BANP: variants seen among roughly 807,000 people sequenced by gnomAD.
BANP encodes BTG3 associated nuclear protein, also known as protein BANP.
BANP carries 11 observed loss-of-function variants against 68.1 expected under a neutral mutation model. The ratio of observed to expected loss-of-function variants is 0.16; its 90% CI spans 0.10 to 0.27. The LOEUF (loss-of-function observed/expected upper bound fraction) is 0.27, where lower values mean the gene tolerates loss of function less well. Ranked by LOEUF, BANP falls within the 10% of genes least tolerant of loss-of-function variation. BANP has a pLI of 1.00. For missense variants in BANP, 504 were observed against 722.7 expected, an observed-to-expected ratio of 0.70 and a Z score of 3.47; for synonymous variants, 329 against 303.2, an observed-to-expected ratio of 1.09 and a Z score of -0.88.
intron 11 of BANP, among the ~76,000 whole-genome samples, chr16:88,059,833 C>A (rs2152866080): frequency 6.6e-6 from 1 of 152,332 alleles, no homozygotes; most frequent in Non-Finnish European, 1.5e-5. Flanking sequence ...TCATGGACAT[C>A]CCGCTGAGTG....
At chr16:88,049,854 G>T (rs1221174936) in intron 11 of BANP, among the ~76,000 whole-genome samples, 1 of 152,222 alleles carries the variant, frequency 6.6e-6, no homozygotes, top group Non-Finnish European at 1.5e-5. Flanking sequence ...ATGCGTTTCA[G>T]TGTGCCAGAA....
intron 4 of BANP, among the ~76,000 whole-genome samples, chr16:87,987,972 C>T (rs1178483055): frequency 2.0e-5 from 3 of 152,054 alleles, no homozygotes; most frequent in Middle Eastern, 3.4e-3. Context: ...CCATGTTGTA[C>T]AGGCTGGGCA....
intron 1 of BANP, among the ~76,000 whole-genome samples, chr16:87,973,133 G>T (rs2061416920): frequency 6.6e-6 from 1 of 152,056 alleles, no homozygotes; most frequent in South Asian, 2.1e-4. Flanking sequence ...CTGTGTGTCT[G>T]TATGGGAGGA....
intron 6 of BANP, among the ~76,000 whole-genome samples, chr16:88,009,679 C>G (rs1230997591): frequency 6.6e-6 from 1 of 152,054 alleles, no homozygotes; most frequent in Admixed American, 6.5e-5. Flanking sequence ...AAGCATGGAA[C>G]AGTAGACTGT....
At chr16:87,989,457 A>G (rs2065310890) in intron 4 of BANP, among the ~76,000 whole-genome samples, 1 of 152,264 alleles carries the variant, frequency 6.6e-6, no homozygotes, top group Admixed American at 6.5e-5. Flanking sequence ...GTAAATGTTA[A>G]CATCCTTTGT....
chr16:87,962,482 A>G (rs564739731), intron 1 of BANP, among the ~76,000 whole-genome samples: 13 of 152,298 alleles, frequency 8.5e-5, no homozygotes, highest in African/African-American at 3.1e-4. Flanking sequence ...CAGTAGCTTT[A>G]GAATGGTGAA....
chr16:88,003,853 G>A lies in BANP; in HGVS notation c.363-442G>A, dbSNP rs542072947. 1.7e-4 allele frequency: 49 copies of A among 295,044 alleles called. No individual in the cohort carries two copies. The highest frequency in any genetic ancestry group is 1.1e-3 in the African/African-American group (49 of 45,314). 18.3% of individuals were successfully genotyped at this position (295,044 alleles called of 1,614,324 possible). On this transcript the variant is annotated intron_variant, in intron 4 of 13. Coordinates refer to ENST00000682872, the MANE Select transcript of BANP (RefSeq NM_001386991.1). This position sits in a 1 kb window ranked among gnomAD's most constrained non-coding sequence, Gnocchi z 6.1. ...ATGATACCAACACTTACGTGGTTAC[G>A]AACGTTAGATCTGTCCCATAGGAAT...
intron 12 of BANP, among the ~76,000 whole-genome samples, chr16:88,067,717 G>A (rs1239614625): frequency 6.6e-6 from 1 of 152,012 alleles, no homozygotes; most frequent in Non-Finnish European, 1.5e-5. Context: ...CCCCTGCCCT[G>A]GACGGCCGGC....
At chr16:88,019,501 G>A (rs954740167) in intron 7 of BANP, among the ~76,000 whole-genome samples, 7 of 149,584 alleles carry the variant, frequency 4.7e-5, no homozygotes, top group Admixed American at 1.3e-4. Flanking sequence ...AACAGGGCGA[G>A]CGAGGCAGAG....
intron 3 of BANP, among the ~76,000 whole-genome samples, chr16:87,981,973 A>G (rs1446855801): frequency 6.6e-6 from 1 of 152,260 alleles, no homozygotes; most frequent in Non-Finnish European, 1.5e-5. Context: ...GTCACTTTTC[A>G]TATAATTCTT....
At chr16:87,961,458 C>T (rs1056269484) in intron 1 of BANP, among the ~76,000 whole-genome samples, 3 of 150,878 alleles carry the variant, frequency 2.0e-5, no homozygotes, top group African/African-American at 7.3e-5. Context: ...GAGCCACTTC[C>T]CCTGGTGAGG....
Position 88,072,156 on chromosome 16 carries a change from A to C in BANP, c.1465A>C (p.Ile489Leu). 6.2e-7 allele frequency: 1 copy of C among 1,611,612 alleles called. No individual in the cohort carries two copies. Among genetic ancestry groups the C allele is most frequent in the Non-Finnish European group, 8.5e-7 (1 of 1,179,708 alleles). The change falls in exon 13 of 14, where the codon ATC (isoleucine) becomes CTC (leucine). Residue 489 changes from isoleucine (I) to leucine (L), a missense_variant. This residue lies in a region of BANP where 223 missense variants were observed against 246.2 expected (regional missense o/e 0.91). Transcript: ENST00000682872. ...VDGSPLQGSDIQVQYVQLAPV... is the reference protein window; with the variant it reads ...VDGSPLQGSDLQVQYVQLAPV... ...TGGGTCGCCACTCCAGGGCAGCGAC[A>C]TCCAGGTTCAGTACGTGCAGCTGGC...
At position 88,064,016 on chromosome 16, in the gene BANP, G is replaced by A. The variant is rs1370701664; in HGVS notation, c.1312-1251G>A. Among the ~76,000 whole-genome samples, 1 of 152,124 alleles carries A rather than the reference G, an allele frequency of 6.6e-6. No individual in the cohort carries two copies. Among genetic ancestry groups the A allele is most frequent in the East Asian group, 1.9e-4 (1 of 5,196 alleles). ...AACACTTAATGTACACTTAAGATTC[G>A]AAGAAAGAGGTACCGGGGCTTTTGT... is the stretch of plus-strand genomic sequence containing the variant. On this transcript the variant is annotated intron_variant, in intron 11 of 13. Transcript: ENST00000682872. The surrounding 1 kb of genome is among the most constrained non-coding windows in gnomAD (Gnocchi z 4.5).
chr16:87,979,688 A>T (rs1351042622), intron 2 of BANP, among the ~76,000 whole-genome samples: 1 of 152,228 alleles, frequency 6.6e-6, no homozygotes, highest in Non-Finnish European at 1.5e-5. Context: ...AGCGGCCAGC[A>T]TTCAGATTTC....
intron 11 of BANP, among the ~76,000 whole-genome samples, chr16:88,040,705 C>A (rs536670326): frequency 3.2e-4 from 48 of 152,358 alleles, no homozygotes; most frequent in African/African-American, 1.1e-3. Flanking sequence ...TGGCTCAGCT[C>A]CCCGTACTGT....
chr16:88,076,891 C>G lies in BANP; in HGVS notation c.*230C>G, dbSNP rs1336064856. 9 of 534,274 alleles carry G rather than the reference C, an allele frequency of 1.7e-5. No individual in the cohort carries two copies. The highest frequency in any genetic ancestry group is 1.0e-4 in the South Asian group (4 of 39,308). The allele number at this position is 534,274 out of a possible 1,614,324, so 33.1% of individuals were successfully genotyped here. ...GAGTCCTGCTGTTGGTGTCGGAGCA[C>G]GAGGGGAGGCACGGTGCGGAGAGCG... On this transcript the variant is annotated 3_prime_UTR_variant, in exon 14 of 14. Coordinates refer to ENST00000682872, the MANE Select transcript of BANP (RefSeq NM_001386991.1).
intron 2 of BANP, among the ~76,000 whole-genome samples, chr16:87,979,845 G>C (rs2062920297): frequency 6.6e-6 from 1 of 152,164 alleles, no homozygotes; most frequent in Non-Finnish European, 1.5e-5. Context: ...AACCTGGATA[G>C]TCCCAGCTAC....
Position 88,036,650 on chromosome 16 carries a change from C to T in BANP, c.1272+1256C>T, listed in dbSNP as rs1353177645. ...TGAGGATGAGGTGAAAGGGGAGGAA[C>T]GAATTCATGTGGGGGCCGTGAGCGA... On this transcript the variant is annotated intron_variant, in intron 10 of 13. Coordinates refer to ENST00000682872, the MANE Select transcript of BANP (RefSeq NM_001386991.1). The surrounding 1 kb of genome is among the most constrained non-coding windows in gnomAD (Gnocchi z 4.2). Among the ~76,000 whole-genome samples, 6 of 151,986 alleles carry T rather than the reference C, an allele frequency of 3.9e-5. No individual in the cohort carries two copies. The highest frequency in any genetic ancestry group is 3.9e-4 in the Admixed American group (6 of 15,268).
chr16:87,986,774 C>G (rs1426906850), intron 4 of BANP, among the ~76,000 whole-genome samples: 2 of 152,138 alleles, frequency 1.3e-5, no homozygotes, highest in Non-Finnish European at 2.9e-5. Context: ...TACTTGTCAA[C>G]AAGCAGTGAA....
Sources: gnomAD v4.1 joint callset for allele counts (sites outside exome capture counted in the v4.1 genomes callset) on GRCh38, gnomAD v4.1.1 for gene constraint, gnomAD v4.1.1 regional missense constraint, Gnocchi (gnomAD v3.1) non-coding constraint, MANE v1.5 for transcripts, NCBI Gene and HGNC (gene_info 2026-07-23, HGNC 2026-07-21) for gene names.